ARHGAP24: variants seen among roughly 807,000 people sequenced by gnomAD.
The protein encoded by ARHGAP24 is Rho GTPase activating protein 24.
A neutral mutation model predicts 76.4 loss-of-function variants in ARHGAP24; 50 were observed. The ratio of observed to expected loss-of-function variants is 0.65; its 90% CI spans 0.52 to 0.83. The LOEUF is 0.83. ARHGAP24 is among the 40% of genes least tolerant of loss of function. The probability of loss-of-function intolerance (pLI) is 0.00; values close to 1 mark genes in which losing one functional copy is unlikely to be tolerated. For missense variants in ARHGAP24, 930 were observed against 914.2 expected, an observed-to-expected ratio of 1.02 and a Z score of -0.22; for synonymous variants, 345 against 323.3, an observed-to-expected ratio of 1.07 and a Z score of -0.72.
rs55808941 is a variant in ARHGAP24 at position 85,691,043 on chromosome 4, A to C, written c.181-30842A>C. 9.7e-3 allele frequency among the ~76,000 whole-genome samples: 1,482 copies of C among 152,078 alleles called. 24 individuals carry two copies. The highest frequency in any genetic ancestry group is 0.033 in the African/African-American group (1,377 of 41,478). On this transcript the variant is annotated intron_variant, in intron 2 of 9. Transcript: ENST00000395184. Reference sequence around the variant, plus strand: ...CATCCCAGAGATTTTGGTAAGTTGCATCTCTATTTTCATTAGCTTCAAATA... The same window carrying C: ...CATCCCAGAGATTTTGGTAAGTTGCCTCTCTATTTTCATTAGCTTCAAATA...
chr4:85,687,037 T>A (rs949605321), intron 2 of ARHGAP24, among the ~76,000 whole-genome samples: 6 of 152,020 alleles, frequency 3.9e-5, no homozygotes, highest in Admixed American at 6.6e-5. Context: ...AAAACATACC[T>A]GTATCAACTT....
intron 3 of ARHGAP24, among the ~76,000 whole-genome samples, chr4:85,860,995 T>C (rs1017645134): frequency 3.0e-5 from 4 of 134,054 alleles, no homozygotes. Flanking sequence ...ATTCTGTGCA[T>C]GCACGCACAC....
intron 2 of ARHGAP24, 50 bp downstream of exon 2, chr4:85,570,771 T>C (rs760972506): frequency 6.2e-7 from 1 of 1,601,466 alleles, no homozygotes; most frequent in Non-Finnish European, 8.5e-7. Context: ...AGCCAAGAAA[T>C]AGAGGGATTT....
chr4:85,814,492 A>T (rs1276046714), intron 3 of ARHGAP24, among the ~76,000 whole-genome samples: 2 of 152,222 alleles, frequency 1.3e-5, no homozygotes, highest in Non-Finnish European at 2.9e-5. Context: ...GGGACTACAG[A>T]GTACCCCATG....
At chr4:85,635,894 C>T (rs923883607) in intron 2 of ARHGAP24, among the ~76,000 whole-genome samples, 19 of 151,878 alleles carry the variant, frequency 1.3e-4, no homozygotes, top group Non-Finnish European at 2.7e-4. Flanking sequence ...TTTCCCTACG[C>T]ATTTCCTTTT....
rs974903841 is a variant in ARHGAP24 at position 85,584,135 on chromosome 4, A to G, written c.180+13414A>G. ...ATAAATCATGCTGCTATAAAGACACATGCACACGTATGTTTATTGTGGCAC... is the reference window on the plus strand; with the variant it reads ...ATAAATCATGCTGCTATAAAGACACGTGCACACGTATGTTTATTGTGGCAC... On this transcript the variant is annotated intron_variant, in intron 2 of 9. Coordinates refer to ENST00000395184, the MANE Select transcript of ARHGAP24 (RefSeq NM_001025616.3). 4.6e-5 allele frequency among the ~76,000 whole-genome samples: 7 copies of G among 151,864 alleles called. No homozygotes were observed. In the East Asian group the frequency reaches 9.8e-4, roughly 21 times the overall value.
At chr4:85,667,618 G>A (rs763834992) in intron 2 of ARHGAP24, among the ~76,000 whole-genome samples, 1 of 152,188 alleles carries the variant, frequency 6.6e-6, no homozygotes, top group Non-Finnish European at 1.5e-5. Flanking sequence ...GTAGACCGGA[G>A]CTGTTCCTAT....
chr4:85,697,330 C>T (rs947510331), intron 2 of ARHGAP24, among the ~76,000 whole-genome samples: 3 of 152,032 alleles, frequency 2.0e-5, no homozygotes, highest in Admixed American at 6.6e-5. Context: ...TGATGGTTTC[C>T]AGTTTCATCC....
At chr4:85,578,738 A>G (rs1434717083) in intron 2 of ARHGAP24, among the ~76,000 whole-genome samples, 3 of 75,756 alleles carry the variant, frequency 4.0e-5, no homozygotes, top group Non-Finnish European at 8.1e-5. Context: ...AATATTAGCT[A>G]TTGATGTTAC....
chr4:85,860,887 A>C (rs547647000), intron 3 of ARHGAP24, among the ~76,000 whole-genome samples: 1 of 152,004 alleles, frequency 6.6e-6, no homozygotes, highest in African/African-American at 2.4e-5. Flanking sequence ...AGAGGAATGC[A>C]TTATGTTTAA....
intron 4 of ARHGAP24, chr4:85,931,175 G>A: frequency 1.1e-6 from 1 of 881,888 alleles, no homozygotes; most frequent in Non-Finnish European, 1.7e-6. Flanking sequence ...AGTGATTTGT[G>A]CGTATCCTTG....
At chr4:85,883,667 A>T (rs1256724552) in intron 3 of ARHGAP24, among the ~76,000 whole-genome samples, 1 of 152,190 alleles carries the variant, frequency 6.6e-6, no homozygotes, top group Non-Finnish European at 1.5e-5. Context: ...AAAACCCAAG[A>T]CAGTATAGGG....
At chr4:85,833,017 A>G (rs1379514905) in intron 3 of ARHGAP24, among the ~76,000 whole-genome samples, 1 of 152,200 alleles carries the variant, frequency 6.6e-6, no homozygotes, top group Non-Finnish European at 1.5e-5. Context: ...CAAAGAAGGT[A>G]TATATGTCAA....
intron 3 of ARHGAP24, among the ~76,000 whole-genome samples, chr4:85,734,899 G>A (rs555644187): frequency 5.9e-5 from 9 of 151,780 alleles, no homozygotes; most frequent in East Asian, 1.9e-4. Context: ...TTTTATTTTC[G>A]ATCATCCTGT....
Position 85,570,621 on chromosome 4 carries a change from G to T in ARHGAP24, c.80G>T (p.Arg27Met), listed in dbSNP as rs943172807. The change falls in exon 2 of 10, where the codon AGG becomes ATG. Residue 27 changes from arginine (R) to methionine (M), a missense_variant. Physicochemically the swap from Arg to Met is moderately conservative, Grantham distance 91. Coordinates refer to ENST00000395184, the MANE Select transcript of ARHGAP24 (RefSeq NM_001025616.3). The stretch of plus-strand genomic sequence containing the variant: ...AATGCCATCAAGTGTGGGTGGCTGA[G>T]GAAGCAAGGAGGCTTTGTCAAGACT... ...RQNAIKCGWL[R>M]KQGGFVKTWH... The T allele has an allele frequency of 1.9e-6, 3 of 1,613,978 alleles. No individual in the cohort carries two copies. The highest frequency in any genetic ancestry group is 1.7e-5 in the Admixed American group (1 of 59,996).
At chr4:85,557,120 C>T (rs1378275165) in intron 1 of ARHGAP24, among the ~76,000 whole-genome samples, 1 of 152,186 alleles carries the variant, frequency 6.6e-6, no homozygotes, top group Admixed American at 6.5e-5. Flanking sequence ...GAGCTCTGTC[C>T]CAGGGAATTG....
chr4:85,635,034 A>G (rs1171306892), intron 2 of ARHGAP24, among the ~76,000 whole-genome samples: 2 of 151,998 alleles, frequency 1.3e-5, no homozygotes, highest in South Asian at 2.1e-4. Context: ...TCAAATCACC[A>G]TTGACTGTCA....
At chr4:85,650,125 A>C (rs966051583) in intron 2 of ARHGAP24, among the ~76,000 whole-genome samples, 1 of 152,190 alleles carries the variant, frequency 6.6e-6, no homozygotes, top group African/African-American at 2.4e-5. Context: ...TGGTCGCTCC[A>C]TAAATGCTAT....
chr4:85,695,280 A>G (rs2110021160), intron 2 of ARHGAP24, among the ~76,000 whole-genome samples: 1 of 152,318 alleles, frequency 6.6e-6, no homozygotes, highest in Middle Eastern at 3.4e-3. Context: ...CTACTTTCTA[A>G]AGACCATGGT....
Sources: allele counts gnomAD v4.1 joint callset (sites outside exome capture counted in the v4.1 genomes callset), GRCh38; gene constraint gnomAD v4.1.1; transcripts MANE v1.5; gene names NCBI Gene and HGNC (gene_info 2026-07-23, HGNC 2026-07-21).